Variants in XPO4 observed in about 807,000 individuals in gnomAD.
XPO4 encodes the protein exportin-4.
A neutral mutation model predicts 143.0 loss-of-function variants in XPO4; 39 were observed. That is an observed-to-expected ratio of 0.27 (90% confidence interval 0.21 to 0.36). The LOEUF (loss-of-function observed/expected upper bound fraction) is 0.36, where lower values mean the gene tolerates loss of function less well. Ranked by LOEUF, XPO4 falls within the 10% of genes least tolerant of loss-of-function variation. XPO4 has a pLI of 1.00. For synonymous variants in XPO4, 439 were observed against 474.0 expected, an observed-to-expected ratio of 0.93 and a Z score of 0.96; for missense variants, 907 against 1,348.0, an observed-to-expected ratio of 0.67 and a Z score of 5.12.
In XPO4 at chr13:20,783,506, C is replaced by CAT; in HGVS notation, c.*214_*215dup. 1.8e-6 allele frequency: 1 copy of CAT among 570,988 alleles called. No homozygotes were observed. Among genetic ancestry groups the CAT allele is most frequent in the Non-Finnish European group, 3.1e-6 (1 of 321,914 alleles). 35.4% of individuals were successfully genotyped at this position (570,988 alleles called of 1,614,324 possible). A position where few individuals can be genotyped will look rare whatever the true frequency, so the allele number is the denominator to read the frequency against. The stretch of plus-strand genomic sequence containing the variant: ...AAATCACCATTCAGAATCTAAAAGA[C>CAT]ATATATATGACAGATTGTGGCTAAC... On this transcript the variant is annotated 3_prime_UTR_variant, in exon 23 of 23. Coordinates refer to ENST00000255305, the MANE Select transcript of XPO4 (RefSeq NM_022459.5).
intron 7 of XPO4, 101 bp from the exon 8 acceptor site, chr13:20,822,390 G>T: frequency 2.0e-6 from 2 of 1,020,170 alleles, no homozygotes; most frequent in African/African-American, 1.6e-5. Flanking sequence ...CACTGTAGCT[G>T]GTTATTTCTA....
intron 4 of XPO4, among the ~76,000 whole-genome samples, chr13:20,853,418 G>A (rs2060111000): frequency 6.6e-6 from 1 of 151,698 alleles, no homozygotes; most frequent in African/African-American, 2.4e-5. Context: ...TGAGGTGGGA[G>A]GTGGGAGGAT....
rs79987261 is a variant in XPO4, at chr13:20,850,223, C to T, written c.456+5404G>A. ...ACATGATTTATTATAGTTCACTTCC[C>T]GAGATTCTATGAAGAAAGCAGTGAG... On this transcript the variant is annotated intron_variant, in intron 4 of 22. Coordinates refer to ENST00000255305, the MANE Select transcript of XPO4 (RefSeq NM_022459.5). The T allele has an allele frequency of 5.8e-4, 570 of 984,952 alleles. 2 individuals are homozygous for T. In the African/African-American group the frequency reaches 7.8e-3, roughly 14 times the overall value. The allele number at this position is 984,952 out of a possible 1,614,324, so 61.0% of individuals were successfully genotyped here.
At chr13:20,860,496 A>G (rs949852915) in intron 3 of XPO4, among the ~76,000 whole-genome samples, 3 of 152,228 alleles carry the variant, frequency 2.0e-5, no homozygotes, top group Non-Finnish European at 4.4e-5. Flanking sequence ...CCATGGTTGC[A>G]ATTGATAATA....
intron 9 of XPO4, among the ~76,000 whole-genome samples, chr13:20,820,669 T>C (rs934145396): frequency 2.0e-5 from 3 of 152,226 alleles, no homozygotes; most frequent in Admixed American, 1.3e-4. Flanking sequence ...TTTAAACTTC[T>C]ATTTTTCTGT....
chr13:20,801,523 T>A (rs914268022), intron 13 of XPO4, among the ~76,000 whole-genome samples: 1 of 152,236 alleles, frequency 6.6e-6, no homozygotes, highest in African/African-American at 2.4e-5. Context: ...ATGGTATTTT[T>A]AAATAAAACT....
At chr13:20,891,450 G>T (rs1205298299) in intron 1 of XPO4, among the ~76,000 whole-genome samples, 1 of 152,138 alleles carries the variant, frequency 6.6e-6, no homozygotes, top group Non-Finnish European at 1.5e-5. Context: ...CATTTACAGA[G>T]CACTTACTAT....
intron 1 of XPO4, among the ~76,000 whole-genome samples, chr13:20,883,570 T>G (rs558298595): frequency 5.1e-4 from 77 of 152,302 alleles, no homozygotes; most frequent in Non-Finnish European, 9.7e-4. Flanking sequence ...ACTATTAACC[T>G]AGAAATGTCT....
chr13:20,876,093 CAAAAAAAAAAAA>C (rs11301411), intron 1 of XPO4, among the ~76,000 whole-genome samples: 9 of 90,724 alleles, frequency 9.9e-5, no homozygotes, highest in Non-Finnish European at 1.7e-4. Context: ...CTACTAAATA[CAAAAAAAAAAAA>C]AAAAAAAAAA....
chr13:20,830,013 G>T (rs1055669292), intron 6 of XPO4, among the ~76,000 whole-genome samples: 1 of 152,090 alleles, frequency 6.6e-6, no homozygotes, highest in East Asian at 1.9e-4. Flanking sequence ...TTTAAAAAGG[G>T]TTTTTCCCAG....
chr13:20,840,025 A>G (rs1193447015), intron 6 of XPO4, among the ~76,000 whole-genome samples: 1 of 151,944 alleles, frequency 6.6e-6, no homozygotes, highest in Non-Finnish European at 1.5e-5. Context: ...CTCAATATAA[A>G]ATATAGATAC....
chr13:20,801,014 T>C, intron 13 of XPO4, 24 bp from the exon 14 acceptor site: 3 of 1,597,678 alleles, frequency 1.9e-6, no homozygotes, highest in Non-Finnish European at 2.5e-6. Flanking sequence ...ACAGAAGTCA[T>C]TTATTCTTTT....
Position 20,827,196 on chromosome 13 carries a change from G to T in XPO4, c.728-17C>A. The T allele has an allele frequency of 2.0e-6, 3 of 1,536,450 alleles. No homozygotes were observed. The highest frequency in any genetic ancestry group is 2.7e-6 in the Non-Finnish European group (3 of 1,109,550). On this transcript the variant is annotated splice_polypyrimidine_tract_variant and intron_variant, in intron 6 of 22. Coordinates refer to ENST00000255305, the MANE Select transcript of XPO4 (RefSeq NM_022459.5). ...GTCTGCCCAGTTATTTGGTGTCAAG[G>T]TCAACAACAATAACATTCTTACTTT...
intron 9 of XPO4, among the ~76,000 whole-genome samples, chr13:20,811,020 T>C (rs2059575273): frequency 6.6e-6 from 1 of 152,200 alleles, no homozygotes; most frequent in African/African-American, 2.4e-5. Context: ...TCTCCCTGAA[T>C]GGAGCTAACA....
intron 13 of XPO4, 38 bp downstream of exon 13, chr13:20,807,419 T>A (rs889890662): frequency 1.9e-6 from 3 of 1,565,798 alleles, no homozygotes; most frequent in Non-Finnish European, 2.6e-6. Flanking sequence ...TAAAACAGTA[T>A]AAAAATTACA....
At chr13:20,836,703 ACT>A (rs1343058862) in intron 6 of XPO4, among the ~76,000 whole-genome samples, 7 of 152,204 alleles carry the variant, frequency 4.6e-5, no homozygotes, top group African/African-American at 1.7e-4. Context: ...CAATTTACCC[ACT>A]GAGTGTACAG....
chr13:20,855,914 G>A, intron 3 of XPO4, 149 bp from the exon 4 acceptor site: 2 of 821,598 alleles, frequency 2.4e-6, no homozygotes, highest in East Asian at 2.9e-5. Context: ...TCCAAAGCCA[G>A]GAGGCCTGGG....
At chr13:20,798,090 CCAAGAT>C (rs1398058855) in intron 16 of XPO4, among the ~76,000 whole-genome samples, 1 of 151,956 alleles carries the variant, frequency 6.6e-6, no homozygotes, top group Non-Finnish European at 1.5e-5. Flanking sequence ...TTGCAGTGAG[CCAAGAT>C]CACACCACTG....
rs1369083362 is a variant in XPO4 at position 20,781,629 on chromosome 13, C to G, written c.*2093G>C. ...GGATAAAAGTTATTAAATATAGATG[C>G]CTTTTTACTTACCAAGGCATTCCTT... On this transcript the variant is annotated 3_prime_UTR_variant, in exon 23 of 23. Coordinates refer to ENST00000255305, the MANE Select transcript of XPO4 (RefSeq NM_022459.5). 2.6e-5 allele frequency: 4 copies of G among 152,254 alleles called. No individual in the cohort carries two copies. Among genetic ancestry groups the G allele is most frequent in the Non-Finnish European group, 4.4e-5 (3 of 68,024 alleles). The allele number at this position is 152,254 out of a possible 1,614,324, so 9.4% of individuals were successfully genotyped here. A position where few individuals can be genotyped will look rare whatever the true frequency, so the allele number is the denominator to read the frequency against.
Sources: allele counts gnomAD v4.1 joint callset (sites outside exome capture counted in the v4.1 genomes callset), GRCh38; gene constraint gnomAD v4.1.1; transcripts MANE v1.5; gene names NCBI Gene and HGNC (gene_info 2026-07-23, HGNC 2026-07-21).